The following ZNF768 variants were observed in gnomAD, a reference collection of about 807,000 sequenced individuals.
ZNF768 encodes zinc finger protein 768.
A neutral mutation model predicts 39.7 loss-of-function variants in ZNF768; 12 were observed. The observed-to-expected ratio is 0.30, with a 90% CI of 0.19 to 0.49. The LOEUF is 0.49. ZNF768 is among the 20% of genes least tolerant of loss of function. The pLI, the probability that ZNF768 is intolerant of heterozygous loss-of-function variation, is 0.99. For missense variants in ZNF768, 613 were observed against 723.2 expected (o/e 0.85, Z 1.75); for synonymous variants, 360 against 288.4 (o/e 1.25, Z -2.52).
At chr16:30,527,417 C>T (rs987986752), upstream of ZNF768, 5 of 803,432 alleles carry the variant, frequency 6.2e-6, no homozygotes, top group Non-Finnish European at 7.5e-6. Context: ...CCCCAGGAAG[C>T]CCGGCGGTTG....
At chr16:30,526,077 T>C (rs2051320233) in intron 1 of ZNF768, 26 bp from the exon 2 acceptor site, 1 of 1,494,880 alleles carries the variant, frequency 6.7e-7, no homozygotes, top group South Asian at 1.4e-5. Context: ...ATCCAGATCG[T>C]GTGAGACCTG....
Position 30,526,512 on chromosome 16 carries a change from C to T in ZNF768, c.-99G>A. On this transcript the variant is annotated 5_prime_UTR_variant, in exon 1 of 2. Transcript: ENST00000380412. ...CGCGGGCCCCCGCCTCCCGCCCGCT[C>T]AGCGCCGCCCAGGGGACTCGGCGGC... 4 of 1,188,246 alleles carry T rather than the reference C, an allele frequency of 3.4e-6. No homozygotes were observed. The highest frequency in any genetic ancestry group is 4.2e-6 in the Non-Finnish European group (4 of 958,324). 73.6% of individuals were successfully genotyped at this position (1,188,246 alleles called of 1,614,324 possible). A position where few individuals can be genotyped will look rare whatever the true frequency, so the allele number is the denominator to read the frequency against.
chr16:30,529,770 C>T (rs1192329572), upstream of ZNF768, among the ~76,000 whole-genome samples: 2 of 151,928 alleles, frequency 1.3e-5, no homozygotes, highest in African/African-American at 4.8e-5. Context: ...AAAATTCTAT[C>T]CCTGGAGATT....
the ZNF768 span, chr16:30,532,167 A>G: frequency 2.6e-6 from 1 of 377,982 alleles, no homozygotes. Context: ...AAAAAAGTAA[A>G]AAGAAAAAGA....
At position 30,525,172 on chromosome 16, in the gene ZNF768, C is replaced by T; in HGVS notation, c.968G>A (p.Gly323Asp). 6.2e-7 allele frequency: 1 copy of T among 1,614,122 alleles called. No individual in the cohort carries two copies. Among genetic ancestry groups the T allele is most frequent in the Non-Finnish European group, 8.5e-7 (1 of 1,180,002 alleles). Residue 323 changes from glycine (G) to aspartate (D), a missense_variant, in exon 2 of 2, where the codon GGC becomes GAC. Around this residue, in one of 4 missense-constraint regions of ZNF768, gnomAD observed 22 missense variants for 63.4 expected, o/e 0.35. Transcript: ENST00000380412. The part of the protein sequence containing the change: ...GERPYKCPRC[G>D]KAFADSSYLL... Reference sequence around the variant, plus strand: ...GTAAGAGCTGTCGGCGAAGGCCTTGCCGCAACGGGGACATTTGTAGGGCCG... The same window carrying T: ...GTAAGAGCTGTCGGCGAAGGCCTTGTCGCAACGGGGACATTTGTAGGGCCG...
chr16:30,527,265 C>T, upstream of ZNF768: 1 of 986,086 alleles, frequency 1.0e-6, no homozygotes, highest in Non-Finnish European at 1.2e-6. Context: ...CTCCCCGGCA[C>T]CTGCGCGCGC....
chr16:30,527,304 G>T, upstream of ZNF768: 1 of 985,952 alleles, frequency 1.0e-6, no homozygotes, highest in Non-Finnish European at 1.2e-6. Context: ...CCCCCACCCA[G>T]CTCGGCTCCC....
Position 30,524,400 on chromosome 16 carries a change from A to G in ZNF768, c.*117T>C. The G allele has an allele frequency of 6.9e-7, 1 of 1,445,146 alleles. No homozygotes were observed. Among genetic ancestry groups the G allele is most frequent in the Non-Finnish European group, 9.1e-7 (1 of 1,096,600 alleles). 89.5% of individuals were successfully genotyped at this position (1,445,146 alleles called of 1,614,324 possible). A position where few individuals can be genotyped will look rare whatever the true frequency, so the allele number is the denominator to read the frequency against. On this transcript the variant is annotated 3_prime_UTR_variant, in exon 2 of 2. Transcript: ENST00000380412. Reference sequence around the variant, plus strand: ...TCCTCCACCCTGGTTCTCTTCTTCCAGCATCCTCAGCTCCTCCATTCTCCT... The same window carrying G: ...TCCTCCACCCTGGTTCTCTTCTTCCGGCATCCTCAGCTCCTCCATTCTCCT...
chr16:30,526,907 C>T, upstream of ZNF768: 1 of 985,516 alleles, frequency 1.0e-6, no homozygotes, highest in Non-Finnish European at 1.2e-6. Context: ...GGCATTAACC[C>T]TGGGCTGGAG....
Position 30,525,279 on chromosome 16 carries a change from C to T in ZNF768, c.861G>A (p.Lys287=). The part of the protein sequence containing the change: ...IQHQRIHTGE[K]PYKCEVCSKA... ...TGCTGCAGACCTCACATTTGTAGGG[C>T]TTCTCACCGGTGTGGATGCGCTGGT... is the stretch of plus-strand genomic sequence containing the variant. Residue 287 remains lysine, a synonymous_variant, in exon 2 of 2, where the codon AAG becomes AAA. Transcript: ENST00000380412. 6.2e-7 allele frequency: 1 copy of T among 1,614,222 alleles called. No homozygotes were observed. The highest frequency in any genetic ancestry group is 8.5e-7 in the Non-Finnish European group (1 of 1,180,036).
At chr16:30,526,731 C>T, upstream of ZNF768, 1 of 844,928 alleles carries the variant, frequency 1.2e-6, no homozygotes, top group Non-Finnish European at 1.4e-6. Flanking sequence ...CGCTCCCGCC[C>T]GAGCCCCCAC....
At position 30,525,545 on chromosome 16, in the gene ZNF768, TGAA is replaced by T. The variant is rs1367555017; in HGVS notation, c.592_594del (p.Phe198del). 3.7e-6 allele frequency: 6 copies of T among 1,614,086 alleles called. No individual in the cohort carries two copies. The highest frequency in any genetic ancestry group is 5.1e-6 in the Non-Finnish European group (6 of 1,180,032). On this transcript the variant is annotated inframe_deletion, in exon 2 of 2. Coordinates refer to ENST00000380412, the MANE Select transcript of ZNF768 (RefSeq NM_024671.4). The stretch of plus-strand genomic sequence containing the variant: ...GTGGGCTGCTCCCCAAACCCCTGAG[TGAA>T]GGAGTCCAGGGGGTGAACTCCTACG...
rs1325981418 is a variant in ZNF768, at chr16:30,526,422, G to C, written c.-9C>G. On this transcript the variant is annotated 5_prime_UTR_variant, in exon 1 of 2. Coordinates refer to ENST00000380412, the MANE Select transcript of ZNF768 (RefSeq NM_024671.4). ...AACGCCTCCCGCTCCATCCCCGCGG[G>C]CTCCCAGTGCAGCGGCGGCGGCGAT... 1 of 1,568,106 alleles carries C rather than the reference G, an allele frequency of 6.4e-7. No homozygotes were observed. The highest frequency in any genetic ancestry group is 1.2e-5 in the South Asian group (1 of 85,966).
At chr16:30,531,815 A>C (rs1022423929), upstream of ZNF768, 1 of 152,380 alleles carries the variant, frequency 6.6e-6, no homozygotes, top group Admixed American at 6.5e-5. Context: ...AACAAAAAAA[A>C]CAGACAATGG....
upstream of ZNF768, chr16:30,527,298 C>T: frequency 1.0e-6 from 1 of 986,170 alleles, no homozygotes; most frequent in Non-Finnish European, 1.2e-6. Context: ...CTCCGGCCCC[C>T]ACCCAGCTCG....
upstream of ZNF768, chr16:30,526,695 C>T (rs1363750868): frequency 2.1e-6 from 2 of 933,380 alleles, no homozygotes; most frequent in African/African-American, 1.8e-5. Context: ...AGGGGCTTCG[C>T]GACTACCCCG....
rs541535394 is a variant in ZNF768 at position 30,524,264 on chromosome 16, C to T, written c.*253G>A. 16 of 521,628 alleles carry T rather than the reference C, an allele frequency of 3.1e-5. No homozygotes were observed. The highest frequency in any genetic ancestry group is 5.1e-4 in the Middle Eastern group (1 of 1,960). 32.3% of individuals were successfully genotyped at this position (521,628 alleles called of 1,614,324 possible). ...CCAAGCCAGGCACCCACCAAGGAGC[C>T]GCGGCTGAGGCCAGCCCTCCGCTGA... On this transcript the variant is annotated 3_prime_UTR_variant, in exon 2 of 2. Transcript: ENST00000380412.
upstream of ZNF768, among the ~76,000 whole-genome samples, chr16:30,530,209 G>A (rs1449316959): frequency 2.0e-5 from 3 of 152,112 alleles, no homozygotes; most frequent in Admixed American, 6.6e-5. This position sits in a 1 kb window ranked among gnomAD's most constrained non-coding sequence, Gnocchi z 4.4. Context: ...CTGAGGAGCT[G>A]AGAATGGGGT....
Position 30,525,328 on chromosome 16 carries a change from C to T in ZNF768, c.812G>A (p.Gly271Glu), listed in dbSNP as rs1242724636. 1 of 1,613,998 alleles carries T rather than the reference C, an allele frequency of 6.2e-7. No homozygotes were observed. The change falls in exon 2 of 2, where the codon GGG (glycine) becomes GAG (glutamate). Residue 271 changes from glycine to glutamate, a missense_variant. Physicochemically the swap from Gly to Glu is moderately conservative, Grantham distance 98. Around this residue, in one of 4 missense-constraint regions of ZNF768, gnomAD observed 40 missense variants for 52.0 expected, o/e 0.77. Transcript: ENST00000380412. ...NICGICGKSF[G>E]RGSTLIQHQR... ...GTGCTGGATCAGGGTGGAGCCCCGC[C>T]CGAAGCTCTTCCCGCAGATGCCACA...
Sources: allele counts gnomAD v4.1 joint callset (sites outside exome capture counted in the v4.1 genomes callset), GRCh38; gene constraint gnomAD v4.1.1; regional missense constraint gnomAD v4.1.1; non-coding constraint Gnocchi (gnomAD v3.1); transcripts MANE v1.5; gene names NCBI Gene and HGNC (gene_info 2026-07-23, HGNC 2026-07-21).